The following USP25 variants were observed in gnomAD, a reference collection of about 807,000 sequenced individuals.
USP25 encodes ubiquitin specific peptidase 25, also known as ubiquitin carboxyl-terminal hydrolase 25.
A neutral mutation model predicts 158.5 loss-of-function variants in USP25; 85 were observed. The observed-to-expected ratio is 0.54, with a 90% confidence interval of 0.45 to 0.64. USP25 has a LOEUF of 0.64. USP25 is among the 30% of genes least tolerant of loss of function. The probability of loss-of-function intolerance (pLI) is 0.00; values close to 1 mark genes in which losing one functional copy is unlikely to be tolerated. For missense variants in USP25, 1,242 were observed against 1,327.3 expected (o/e 0.94, Z 1.00); for synonymous variants, 464 against 460.4 (o/e 1.01, Z -0.10).
chr21:15,758,923 C>A (rs1482612810), intron 1 of USP25, among the ~76,000 whole-genome samples: 2 of 152,160 alleles, frequency 1.3e-5, no homozygotes, highest in South Asian at 4.1e-4. Context: ...ATGGGAGCTA[C>A]AACTCAATGT....
At chr21:15,824,004 A>G (rs1289668642) in intron 10 of USP25, 35 bp from the exon 11 acceptor site, 1 of 1,592,028 alleles carries the variant, frequency 6.3e-7, no homozygotes, top group Admixed American at 1.7e-5. Context: ...CAAAGGTGGT[A>G]TTAAAGTTTT....
chr21:15,809,636 A>G (rs558990497), intron 8 of USP25, among the ~76,000 whole-genome samples: 4 of 152,328 alleles, frequency 2.6e-5, no homozygotes, highest in Middle Eastern at 3.4e-3. Flanking sequence ...TGATCCAGCA[A>G]TTCTGCTTCT....
intron 15 of USP25, 95 bp from the exon 16 acceptor site, chr21:15,831,306 G>T: frequency 8.4e-7 from 1 of 1,189,586 alleles, no homozygotes; most frequent in Non-Finnish European, 1.2e-6. Flanking sequence ...ATGCTCTTAT[G>T]GTTTTCTCCA....
At chr21:15,807,344 A>G (rs2036443880) in intron 7 of USP25, among the ~76,000 whole-genome samples, 2 of 152,240 alleles carry the variant, frequency 1.3e-5, no homozygotes, top group South Asian at 2.1e-4. Flanking sequence ...TGTGTTAGCT[A>G]GGAAACCTTA....
At chr21:15,797,380 G>A (rs962829633) in intron 5 of USP25, among the ~76,000 whole-genome samples, 9 of 151,276 alleles carry the variant, frequency 5.9e-5, no homozygotes, top group Non-Finnish European at 1.3e-4. Flanking sequence ...GTTGCAAGGT[G>A]GAAAAAGATA....
At chr21:15,813,102 A>G (rs1468726863) in intron 9 of USP25, among the ~76,000 whole-genome samples, 1 of 150,948 alleles carries the variant, frequency 6.6e-6, no homozygotes, top group Non-Finnish European at 1.5e-5. Context: ...GTACCTGAAG[A>G]TTGCTGGCAA....
rs2036323600 is a variant in USP25 at position 15,805,245 on chromosome 21, A to G, written c.767A>G (p.Asn256Ser). The change falls in exon 7 of 26, where the codon AAT becomes AGT. Residue 256 changes from asparagine to serine, a missense_variant. Physicochemically the swap from Asn to Ser is conservative, Grantham distance 46. Coordinates refer to ENST00000400183, the MANE Select transcript of USP25 (RefSeq NM_001283041.3). ...VEILKDAFKS[N>S]DSQQQDVSEF... ...ATTCTTAAGGATGCTTTCAAATCAA[A>G]TGACTCACAGCAGGTAGTTCTGTTG... The G allele has an allele frequency of 2.5e-6, 4 of 1,602,208 alleles. No individual in the cohort carries two copies. Among genetic ancestry groups the G allele is most frequent in the Admixed American group, 3.5e-5 (2 of 57,472 alleles).
intron 1 of USP25, among the ~76,000 whole-genome samples, chr21:15,754,263 C>G (rs1161727036): frequency 1.3e-5 from 2 of 152,124 alleles, no homozygotes; most frequent in African/African-American, 4.8e-5. Context: ...GTTAGTGCCT[C>G]TTTTCTGTGG....
At chr21:15,854,578 T>C (rs1385137669) in intron 20 of USP25, among the ~76,000 whole-genome samples, 2 of 152,196 alleles carry the variant, frequency 1.3e-5, no homozygotes, top group Non-Finnish European at 2.9e-5. Flanking sequence ...TACTTCTGAA[T>C]ATGGATTTCC....
rs2030649996 is a variant in USP25, at chr21:15,730,266, C to T, written c.-128C>T. 1 of 947,176 alleles carries T rather than the reference C, an allele frequency of 1.1e-6. No homozygotes were observed. The highest frequency in any genetic ancestry group is 1.8e-5 in the African/African-American group (1 of 56,132). 58.7% of individuals were successfully genotyped at this position (947,176 alleles called of 1,614,324 possible). On this transcript the variant is annotated 5_prime_UTR_variant, in exon 1 of 26. Coordinates refer to ENST00000400183, the MANE Select transcript of USP25 (RefSeq NM_001283041.3). ...CGCCATCGCCTTCGCGCCTGGCTGGCGGGGGCGCTGTCCTCCCAGGCCGTC... is the reference window on the plus strand; with the variant it reads ...CGCCATCGCCTTCGCGCCTGGCTGGTGGGGGCGCTGTCCTCCCAGGCCGTC...
At chr21:15,762,621 C>G (rs2033797004) in intron 1 of USP25, among the ~76,000 whole-genome samples, 2 of 152,112 alleles carry the variant, frequency 1.3e-5, no homozygotes, top group Admixed American at 6.5e-5. Context: ...AGGACAGAAA[C>G]TGCTAATTCA....
intron 16 of USP25, among the ~76,000 whole-genome samples, chr21:15,833,097 A>G (rs962050370): frequency 6.6e-6 from 1 of 152,168 alleles, no homozygotes; most frequent in Non-Finnish European, 1.5e-5. Flanking sequence ...AAGATAAAAA[A>G]AAATCTGAGA....
chr21:15,762,046 G>A (rs953935015), intron 1 of USP25, among the ~76,000 whole-genome samples: 3 of 151,658 alleles, frequency 2.0e-5, no homozygotes, highest in African/African-American at 7.3e-5. Context: ...TTCTGTTCCT[G>A]ATCAAACTTT....
chr21:15,735,482 C>A (rs1317339464), intron 1 of USP25, among the ~76,000 whole-genome samples: 1 of 152,100 alleles, frequency 6.6e-6, no homozygotes, highest in Non-Finnish European at 1.5e-5. Context: ...AAGTATTATA[C>A]CATTTTATAT....
intron 23 of USP25, among the ~76,000 whole-genome samples, chr21:15,871,976 GC>G (rs1180626316): frequency 1.4e-5 from 2 of 145,190 alleles, no homozygotes; most frequent in Non-Finnish European, 3.0e-5. Context: ...GGGCGACAGA[GC>G]GAGACACTGT....
At chr21:15,818,907 A>C in intron 10 of USP25, 61 bp downstream of exon 10, 1 of 1,546,726 alleles carries the variant, frequency 6.5e-7, no homozygotes, top group Non-Finnish European at 8.8e-7. Context: ...ATGCTATAGC[A>C]CAATGTAAGG....
At chr21:15,730,956 C>G (rs1230620777) in intron 1 of USP25, among the ~76,000 whole-genome samples, 1 of 135,886 alleles carries the variant, frequency 7.4e-6, no homozygotes, top group South Asian at 2.3e-4. Context: ...TAAGGTTTCC[C>G]TTTCTTCTTC....
At chr21:15,786,747 A>G (rs1248449689) in intron 4 of USP25, among the ~76,000 whole-genome samples, 1 of 152,128 alleles carries the variant, frequency 6.6e-6, no homozygotes, top group Non-Finnish European at 1.5e-5. Flanking sequence ...ATCCTATTCA[A>G]CATAGTACTG....
chr21:15,822,179 A>G (rs540790747), intron 10 of USP25, among the ~76,000 whole-genome samples: 1 of 152,060 alleles, frequency 6.6e-6, no homozygotes, highest in African/African-American at 2.4e-5. Context: ...TAAAATTCAA[A>G]TTATGTACTG....
Sources: gnomAD v4.1 joint callset for allele counts (sites outside exome capture counted in the v4.1 genomes callset) on GRCh38, gnomAD v4.1.1 for gene constraint, MANE v1.5 for transcripts, NCBI Gene and HGNC (gene_info 2026-07-23, HGNC 2026-07-21) for gene names.